LGSN: variants seen among roughly 807,000 people sequenced by gnomAD.
The protein encoded by LGSN is lengsin, lens protein with glutamine synthetase domain, also known as lengsin.
Under a neutral mutation model 19.5 loss-of-function variants are expected in LGSN, and 21 were observed. That is an observed-to-expected ratio of 1.07 (90% CI 0.76 to 1.55). The LOEUF (loss-of-function observed/expected upper bound fraction) is 1.55, where lower values mean the gene tolerates loss of function less well. Ranked by LOEUF, LGSN falls within the 40% of genes most tolerant of loss-of-function variation. LGSN has a pLI of 0.00. For synonymous variants in LGSN, 257 were observed against 215.6 expected, an observed-to-expected ratio of 1.19 and a Z score of -1.68; for missense variants, 673 against 608.5, an observed-to-expected ratio of 1.11 and a Z score of -1.12.
chr6:63,331,596 C>G, the LGSN span, among the ~76,000 whole-genome samples: 169 of 152,252 alleles, frequency 1.1e-3, 1 homozygote, highest in African/African-American at 3.7e-3. Flanking sequence ...TCCCTGGACC[C>G]TGCTGATCGG....
At chr6:63,419,880 CAAAAAAAAAAAAAAAAA>C in the LGSN span, among the ~76,000 whole-genome samples, 186 of 57,264 alleles carry the variant, frequency 3.2e-3, no homozygotes, top group Non-Finnish European at 4.2e-3. Flanking sequence ...AACTCCCTCC[CAAAAAAAAAAAAAAAAA>C]AAAAAAAAAA....
intron 3 of LGSN, among the ~76,000 whole-genome samples, chr6:63,282,081 A>C (rs1361480890): frequency 6.6e-6 from 1 of 152,204 alleles, no homozygotes; most frequent in Non-Finnish European, 1.5e-5. Flanking sequence ...CTAGCCATCT[A>C]TCTCTAGGGT....
chr6:63,296,957 C>T (rs926433169), intron 1 of LGSN, among the ~76,000 whole-genome samples: 1 of 151,972 alleles, frequency 6.6e-6, no homozygotes, highest in Admixed American at 6.6e-5. Context: ...AAAACATTCA[C>T]CTGCCCTCAT....
At chr6:63,372,111 C>T in the LGSN span, among the ~76,000 whole-genome samples, 8 of 152,290 alleles carry the variant, frequency 5.3e-5, no homozygotes, top group East Asian at 1.4e-3. Context: ...AAAGTCTCTG[C>T]TTATGCTACT....
the LGSN span, among the ~76,000 whole-genome samples, chr6:63,526,840 T>C: frequency 4.1e-5 from 6 of 145,974 alleles, no homozygotes; most frequent in Non-Finnish European, 6.0e-5. Context: ...TATATATTTA[T>C]TTATTTATTC....
At chr6:63,522,284 T>A in the LGSN span, among the ~76,000 whole-genome samples, 2 of 152,234 alleles carry the variant, frequency 1.3e-5, no homozygotes, top group Non-Finnish European at 2.9e-5. Context: ...TTAGATGAAT[T>A]ATTTGTATAG....
chr6:63,294,239 GCA>G (rs1767887690), intron 2 of LGSN, among the ~76,000 whole-genome samples: 1 of 152,076 alleles, frequency 6.6e-6, no homozygotes. Context: ...GGAGGCTGAG[GCA>G]GGAGGATCAC....
the LGSN span, among the ~76,000 whole-genome samples, chr6:63,455,853 T>A: frequency 6.6e-6 from 1 of 152,166 alleles, no homozygotes; most frequent in South Asian, 2.1e-4. Flanking sequence ...GGCAGGAGGA[T>A]CACTAGAGCC....
chr6:63,402,787 C>CTT, the LGSN span, among the ~76,000 whole-genome samples: 5 of 143,046 alleles, frequency 3.5e-5, no homozygotes, highest in African/African-American at 7.7e-5. Flanking sequence ...TAAAGGTTTT[C>CTT]TTTTTTTTTT....
the LGSN span, among the ~76,000 whole-genome samples, chr6:63,531,185 A>G: frequency 6.6e-6 from 1 of 152,152 alleles, no homozygotes; most frequent in East Asian, 1.9e-4. Context: ...GCAAGCAATG[A>G]GGGCTACCTG....
chr6:63,534,485 A>ACACC, the LGSN span, among the ~76,000 whole-genome samples: 1 of 149,552 alleles, frequency 6.7e-6, no homozygotes, highest in East Asian at 2.0e-4. Context: ...ACACACACAC[A>ACACC]CCTCTAAAAC....
chr6:63,369,668 T>C, the LGSN span, among the ~76,000 whole-genome samples: 1 of 152,020 alleles, frequency 6.6e-6, no homozygotes, highest in East Asian at 1.9e-4. Context: ...ATATATTGAG[T>C]TTACAGAATT....
chr6:63,514,309 C>T, the LGSN span, among the ~76,000 whole-genome samples: 736 of 152,348 alleles, frequency 4.8e-3, 3 homozygotes, highest in Middle Eastern at 0.017. Flanking sequence ...CTCACTGCAA[C>T]CTCTGCCTCC....
At chr6:63,439,292 C>T in the LGSN span, among the ~76,000 whole-genome samples, 2 of 151,932 alleles carry the variant, frequency 1.3e-5, no homozygotes, top group Non-Finnish European at 2.9e-5. Flanking sequence ...CAGCATGGCA[C>T]GTGTATACAT....
At chr6:63,409,668 G>A in the LGSN span, among the ~76,000 whole-genome samples, 1 of 152,168 alleles carries the variant, frequency 6.6e-6, no homozygotes, top group African/African-American at 2.4e-5. Context: ...TAATAGCTCA[G>A]ATGGCCTTGT....
chr6:63,461,775 C>CA, the LGSN span, among the ~76,000 whole-genome samples: 1 of 152,206 alleles, frequency 6.6e-6, no homozygotes, highest in Non-Finnish European at 1.5e-5. Context: ...ATTTGTATTC[C>CA]AAATGTGTTG....
At chr6:63,281,300 T>A in intron 3 of LGSN, 80 bp from the exon 4 acceptor site, 1 of 220,778 alleles carries the variant, frequency 4.5e-6, no homozygotes, top group Non-Finnish European at 7.8e-6. Flanking sequence ...GCCTTGCTAA[T>A]GAAAATATAT....
At chr6:63,402,911 C>T in the LGSN span, among the ~76,000 whole-genome samples, 2 of 152,224 alleles carry the variant, frequency 1.3e-5, no homozygotes, top group South Asian at 4.1e-4. Flanking sequence ...ACTGAGGTCC[C>T]CTCAAAAATA....
intron 2 of LGSN, among the ~76,000 whole-genome samples, chr6:63,292,505 T>C (rs574000015): frequency 6.6e-6 from 1 of 152,294 alleles, no homozygotes; most frequent in East Asian, 1.9e-4. Context: ...ACTCTAACAA[T>C]GTTACTTATA....
Sources: gnomAD v4.1 joint callset for allele counts (sites outside exome capture counted in the v4.1 genomes callset) on GRCh38, gnomAD v4.1.1 for gene constraint, MANE v1.5 for transcripts, NCBI Gene and HGNC (gene_info 2026-07-23, HGNC 2026-07-21) for gene names.